Variants in ADGRG4 observed in about 807,000 individuals in gnomAD.
ADGRG4 encodes G protein-coupled receptor 112.
A neutral mutation model predicts 126.2 loss-of-function variants in ADGRG4; 122 were observed. That is an observed-to-expected ratio of 0.97 (90% CI 0.83 to 1.12). ADGRG4 has a LOEUF of 1.12. Among genes scored for constraint, ADGRG4 ranks in the 50% most tolerant of loss-of-function variants. ADGRG4 has a pLI of 0.00. For synonymous variants in ADGRG4, 943 were observed against 838.7 expected, an observed-to-expected ratio of 1.12 and a Z score of -2.15; for missense variants, 2,481 against 2,251.8, an observed-to-expected ratio of 1.10 and a Z score of -2.06.
chrX:136,373,681 T>C, intron 15 of ADGRG4, among the ~76,000 whole-genome samples: 1 of 111,826 alleles, frequency 8.9e-6, no homozygotes, highest in East Asian at 2.8e-4. Context: ...AGATATAGAA[T>C]GTTGGCCAGG....
At chrX:136,405,063 T>C (rs1321456918) in intron 22 of ADGRG4, among the ~76,000 whole-genome samples, 3 of 112,247 alleles carry the variant, frequency 2.7e-5, no homozygotes, top group Non-Finnish European at 3.8e-5. Flanking sequence ...TTTTCTTTAA[T>C]AAAAACCGTA....
At chrX:136,363,689 T>C (rs1433148602) in intron 13 of ADGRG4, 94 bp downstream of exon 13, 1 of 582,254 alleles carries the variant, frequency 1.7e-6, no homozygotes, top group Non-Finnish European at 3.0e-6. Flanking sequence ...CAAACCCCAC[T>C]TAGGAAAATC....
chrX:136,350,634 T>C (rs2075056527), intron 6 of ADGRG4, among the ~76,000 whole-genome samples: 1 of 112,052 alleles, frequency 8.9e-6, no homozygotes, highest in Non-Finnish European at 1.9e-5. Flanking sequence ...GTCTTTGCCT[T>C]ATTGAAATAT....
chrX:136,415,942 G>A (rs996540181), intron 25 of ADGRG4, among the ~76,000 whole-genome samples: 1 of 111,895 alleles, frequency 8.9e-6, no homozygotes, highest in South Asian at 3.7e-4. Context: ...AGTGGGGCAG[G>A]TAGACCTGCC....
intron 11 of ADGRG4, 26 bp from the exon 12 acceptor site, chrX:136,361,429 A>G (rs776399714): frequency 1.9e-6 from 2 of 1,077,838 alleles, no homozygotes; most frequent in Non-Finnish European, 2.5e-6. Context: ...CTTGTCCTTT[A>G]AAATGTGCAT....
chrX:136,372,632 A>G (rs1263776483), intron 14 of ADGRG4, among the ~76,000 whole-genome samples: 1 of 112,116 alleles, frequency 8.9e-6, no homozygotes, highest in African/African-American at 3.2e-5. Context: ...TTTAGAGATG[A>G]GTGTAATATT....
chrX:136,363,852 C>T (rs2075142608), intron 13 of ADGRG4, among the ~76,000 whole-genome samples: 1 of 111,305 alleles, frequency 9.0e-6, no homozygotes, highest in Admixed American at 9.6e-5. Flanking sequence ...TCTTGTTGCC[C>T]AGGCTGGAGT....
At chrX:136,386,548 T>G (rs1016236986) in intron 15 of ADGRG4, among the ~76,000 whole-genome samples, 6 of 112,112 alleles carry the variant, frequency 5.4e-5, no homozygotes, top group African/African-American at 1.9e-4. Flanking sequence ...GCATAGATAA[T>G]TTTAAAAAGT....
intron 15 of ADGRG4, among the ~76,000 whole-genome samples, chrX:136,375,661 T>C (rs765880631): frequency 1.8e-5 from 2 of 112,150 alleles, no homozygotes; most frequent in East Asian, 5.6e-4. Context: ...TTTTCATATG[T>C]TTGTTGGGTG....
intron 8 of ADGRG4, 59 bp from the exon 9 acceptor site, chrX:136,356,067 C>T (rs2148473238): frequency 1.1e-6 from 1 of 877,353 alleles, no homozygotes; most frequent in East Asian, 3.2e-5. Context: ...TGATCTCATG[C>T]CCTGTATACT....
chrX:136,374,175 T>TA (rs398122267), intron 15 of ADGRG4, among the ~76,000 whole-genome samples: 10 of 109,888 alleles, frequency 9.1e-5, no homozygotes, highest in Non-Finnish European at 1.5e-4. Context: ...TTTTTTTTTT[T>TA]AGTCATCCTT....
intron 23 of ADGRG4, among the ~76,000 whole-genome samples, chrX:136,408,388 C>T (rs1247811344): frequency 9.0e-6 from 1 of 111,523 alleles, no homozygotes; most frequent in Admixed American, 9.5e-5. Context: ...CCCTAATAGT[C>T]CCCAGTTGTC....
Position 136,347,798 on chromosome X carries a change from T to C in ADGRG4, c.4092T>C (p.Ala1364=), listed in dbSNP as rs1214546128. ...TGTCTACCAGTCTTGGGAAAACAGC[T>C]CTCCCCTCACAAGCTCTGACAATCA... ...PEMSTSLGKT[A]LPSQALTITT... is the part of the protein sequence containing the mutation. The change falls in exon 6 of 26, where the codon GCT becomes GCC. Residue 1364 remains alanine, a synonymous_variant. Transcript: ENST00000394143. The C allele has an allele frequency of 8.3e-7, 1 of 1,209,659 alleles. No individual in the cohort carries two copies. Among genetic ancestry groups the C allele is most frequent in the Admixed American group, 2.2e-5 (1 of 45,926 alleles).
At chrX:136,387,932 A>C in intron 16 of ADGRG4, 58 bp downstream of exon 16, 3 of 1,044,962 alleles carry the variant, frequency 2.9e-6, no homozygotes, top group Non-Finnish European at 3.9e-6. Context: ...CATTGTAATT[A>C]TGAACTCTTG....
At chrX:136,353,532 T>G in intron 8 of ADGRG4, 131 bp downstream of exon 8, 1 of 478,744 alleles carries the variant, frequency 2.1e-6, no homozygotes, top group African/African-American at 2.4e-5. Context: ...GCATCTTCCT[T>G]CCTGAGTAGG....
rs1456840418 is a variant in ADGRG4 at position 136,348,498 on chromosome X, A to G, written c.4792A>G (p.Arg1598Gly). 8.3e-7 allele frequency: 1 copy of G among 1,207,913 alleles called. No homozygotes were observed. The highest frequency in any genetic ancestry group is 1.8e-5 in the African/African-American group (1 of 56,967). ...TACTTTATTGTCTTCAGTTACCCCC[A>G]GGACTACTATGACCATGCAAACATC... ...FSTLLSSVTP[R>G]TTMTMQTSTL... Residue 1598 changes from arginine to glycine, a missense_variant, in exon 6 of 26, where the codon AGG (arginine) becomes GGG (glycine). Physicochemically the swap from Arg to Gly is moderately radical, Grantham distance 125. Transcript: ENST00000394143.
At chrX:136,402,136 T>C (rs776105562) in intron 21 of ADGRG4, among the ~76,000 whole-genome samples, 1 of 112,579 alleles carries the variant, frequency 8.9e-6, no homozygotes, top group South Asian at 3.7e-4. Context: ...TTATGTTTGA[T>C]GCTCTGCCTT....
chrX:136,347,740 C>A lies in ADGRG4; in HGVS notation c.4034C>A (p.Ser1345Ter). ...ACACAGATTACACCAACCTTGACCT[C>A]AAGTAACACAGTAGGTGTTCACATT... ...GSTQITPTLT[S>*]SNTVGVHIPE... Residue 1345 changes from serine (S) to a stop codon, truncating the protein, a stop_gained, in exon 6 of 26, where the codon TCA becomes TAA. Transcript: ENST00000394143. LOFTEE classifies it high-confidence loss of function. 2 of 1,210,458 alleles carry A rather than the reference C, an allele frequency of 1.7e-6. No individual in the cohort carries two copies. The highest frequency in any genetic ancestry group is 2.2e-6 in the Non-Finnish European group (2 of 894,453).
In ADGRG4 at chrX:136,347,922, T is replaced by C. The variant is rs1380308126; in HGVS notation, c.4216T>C (p.Ser1406Pro). 8.3e-7 allele frequency: 1 copy of C among 1,208,939 alleles called. No individual in the cohort carries two copies. Among genetic ancestry groups the C allele is most frequent in the Non-Finnish European group, 1.1e-6 (1 of 892,836 alleles). Residue 1406 changes from serine to proline, a missense_variant, in exon 6 of 26, where the codon TCT becomes CCT. By Grantham distance (74) the Ser-to-Pro change is moderately conservative (BLOSUM62 -1). Coordinates refer to ENST00000394143, the MANE Select transcript of ADGRG4 (RefSeq NM_153834.4). ...AGTAAACTCCACCTATGTGACTCAC[T>C]CTGTCTCATATGGCCAGGATACTTC... is the stretch of plus-strand genomic sequence containing the variant. The part of the protein sequence containing the change: ...MIVNSTYVTH[S>P]VSYGQDTSFV...
Sources: gnomAD v4.1 joint callset for allele counts (sites outside exome capture counted in the v4.1 genomes callset) on GRCh38, gnomAD v4.1.1 for gene constraint, MANE v1.5 for transcripts, NCBI Gene and HGNC (gene_info 2026-07-23, HGNC 2026-07-21) for gene names.